Variants in TLK1 observed in about 807,000 individuals in gnomAD.
TLK1 encodes the protein tousled like kinase 1, also known as serine/threonine-protein kinase tousled-like 1.
TLK1 carries 24 observed loss-of-function variants against 105.3 expected under a neutral mutation model. The observed-to-expected ratio is 0.23, with a 90% confidence interval of 0.17 to 0.32. The LOEUF is 0.32. TLK1 is among the 10% of genes least tolerant of loss of function. TLK1 has a pLI of 1.00. For missense variants in TLK1, 558 were observed against 910.5 expected (o/e 0.61, Z 4.98); for synonymous variants, 321 against 310.4 (o/e 1.03, Z -0.36).
At chr2:171,156,732 T>A (rs1263804594) in intron 1 of TLK1, among the ~76,000 whole-genome samples, 1 of 152,256 alleles carries the variant, frequency 6.6e-6, no homozygotes, top group South Asian at 2.1e-4. Flanking sequence ...GTTTTTAACA[T>A]CTCATTACTA....
At chr2:171,205,817 T>A (rs1290004360) in intron 1 of TLK1, among the ~76,000 whole-genome samples, 2 of 152,228 alleles carry the variant, frequency 1.3e-5, no homozygotes, top group African/African-American at 2.4e-5. Context: ...ATTTGAAATG[T>A]CTAAAAATAA....
intron 20 of TLK1, among the ~76,000 whole-genome samples, chr2:170,995,993 C>T (rs1180011741): frequency 1.3e-5 from 2 of 151,720 alleles, no homozygotes; most frequent in African/African-American, 2.4e-5. Flanking sequence ...TGAGCCACCG[C>T]GCATGGCCTA....
At chr2:171,037,023 ACAGAG>A (rs1368114377) in intron 11 of TLK1, among the ~76,000 whole-genome samples, 6 of 152,212 alleles carry the variant, frequency 3.9e-5, no homozygotes, top group South Asian at 4.1e-4. Flanking sequence ...CTATGAATAC[ACAGAG>A]CAAAGAAAAA....
At chr2:171,018,926 G>A (rs997641667) in intron 12 of TLK1, among the ~76,000 whole-genome samples, 26 of 152,088 alleles carry the variant, frequency 1.7e-4, no homozygotes, top group Non-Finnish European at 2.4e-4. Flanking sequence ...AAAAGGACAT[G>A]GCTCTTTTCT....
intron 10 of TLK1, among the ~76,000 whole-genome samples, chr2:171,049,310 TAG>T (rs1687118418): frequency 6.6e-6 from 1 of 152,032 alleles, no homozygotes; most frequent in Admixed American, 6.5e-5. Context: ...AAATAATAAA[TAG>T]AGTTTACCTC....
intron 12 of TLK1, among the ~76,000 whole-genome samples, chr2:171,027,040 TA>T (rs997788224): frequency 6.6e-6 from 1 of 152,168 alleles, no homozygotes; most frequent in Admixed American, 6.5e-5. Flanking sequence ...TATAGCATAT[TA>T]AAGGATACTA....
At chr2:171,054,096 A>C in intron 7 of TLK1, 1 of 325,324 alleles carries the variant, frequency 3.1e-6, no homozygotes, top group Non-Finnish European at 5.6e-6. Flanking sequence ...TTATAATTCA[A>C]TATATCCGCT....
In TLK1 at chr2:170,993,123, A is replaced by T. The variant is rs1683856277; in HGVS notation, c.*657T>A. On this transcript the variant is annotated 3_prime_UTR_variant, in exon 21 of 21. Transcript: ENST00000431350. ...AAGGTGTAAAGTATTTAGAAATAAT[A>T]GCTCTCCCTTTAATATAACCAGTGA... 2 of 152,666 alleles carry T rather than the reference A, an allele frequency of 1.3e-5. No individual in the cohort carries two copies. Among genetic ancestry groups the T allele is most frequent in the African/African-American group, 4.8e-5 (2 of 41,456 alleles). The allele number at this position is 152,666 out of a possible 1,614,324, so 9.5% of individuals were successfully genotyped here.
chr2:171,082,751 T>C (rs769773471), intron 3 of TLK1, 30 bp downstream of exon 3: 8 of 1,494,666 alleles, frequency 5.4e-6, no homozygotes, highest in African/African-American at 2.8e-5. Context: ...TTTACTTTAA[T>C]AGCACCATAT....
chr2:171,192,822 A>G (rs1001275244), intron 1 of TLK1, among the ~76,000 whole-genome samples: 2 of 152,234 alleles, frequency 1.3e-5, no homozygotes, highest in Non-Finnish European at 2.9e-5. Flanking sequence ...TCAAATTCCA[A>G]CATCTTGATG....
chr2:171,049,675 A>T, intron 10 of TLK1, 139 bp downstream of exon 10: 2 of 1,000,912 alleles, frequency 2.0e-6, no homozygotes, highest in Non-Finnish European at 2.9e-6. Flanking sequence ...TCTTGGTTTC[A>T]TATCCCTTTC....
At position 170,992,538 on chromosome 2, in the gene TLK1, A is replaced by G. The variant is rs1369152020; in HGVS notation, c.*1242T>C. The G allele has an allele frequency of 6.6e-6, 1 of 152,606 alleles. No homozygotes were observed. The highest frequency in any genetic ancestry group is 6.6e-5 in the Admixed American group (1 of 15,266). The allele number at this position is 152,606 out of a possible 1,614,324, so 9.5% of individuals were successfully genotyped here. On this transcript the variant is annotated 3_prime_UTR_variant, in exon 21 of 21. Coordinates refer to ENST00000431350, the MANE Select transcript of TLK1 (RefSeq NM_012290.5). ...TTATGGGACCATCTTGCTGATAAGA[A>G]CTTTCTAGAAATGTAGAATAACCAT...
At chr2:171,066,995 C>T (rs1380977309) in intron 3 of TLK1, 1 of 1,513,282 alleles carries the variant, frequency 6.6e-7, no homozygotes, top group South Asian at 1.3e-5. Context: ...GAGCTGTGGT[C>T]TCACAACTTT....
intron 12 of TLK1, among the ~76,000 whole-genome samples, chr2:171,015,157 T>C (rs1296110594): frequency 1.3e-5 from 2 of 152,080 alleles, no homozygotes; most frequent in Non-Finnish European, 2.9e-5. Context: ...ATCCTCCACA[T>C]GAAAATCTAT....
intron 1 of TLK1, among the ~76,000 whole-genome samples, chr2:171,149,717 G>A (rs1415072754): frequency 6.6e-6 from 1 of 152,138 alleles, no homozygotes; most frequent in African/African-American, 2.4e-5. Context: ...ACCAGCCTGG[G>A]CAACATAGGG....
chr2:171,058,180 G>C lies in TLK1; in HGVS notation c.424C>G (p.Arg142Gly). 6.2e-7 allele frequency: 1 copy of C among 1,613,388 alleles called. No homozygotes were observed. Residue 142 changes from arginine (R) to glycine (G), a missense_variant, in exon 5 of 21, where the codon CGT becomes GGT. Coordinates refer to ENST00000431350, the MANE Select transcript of TLK1 (RefSeq NM_012290.5). Reference protein sequence around the residue: ...ESSQGKSIGGRGHKISDYFEY... With the variant: ...ESSQGKSIGGGGHKISDYFEY... ...AAATAGTCGCTAATTTTGTGGCCAC[G>C]TCCCCCAATACTTTTTCCTAAAATA...
intron 18 of TLK1, among the ~76,000 whole-genome samples, chr2:171,000,376 CAAAAAAAAAAA>C (rs34800888): frequency 1.5e-4 from 12 of 78,350 alleles, no homozygotes; most frequent in African/African-American, 5.4e-4. Context: ...GAAACTCTGT[CAAAAAAAAAAA>C]AAAAAAAAAA....
At chr2:171,162,211 G>GATT (rs1056842376), upstream of TLK1, among the ~76,000 whole-genome samples, 1 of 152,168 alleles carries the variant, frequency 6.6e-6, no homozygotes, top group Non-Finnish European at 1.5e-5. Context: ...CTTTATTGAG[G>GATT]TATAATTGAC....
chr2:171,176,626 T>C (rs1692832638), intron 1 of TLK1, among the ~76,000 whole-genome samples: 1 of 152,178 alleles, frequency 6.6e-6, no homozygotes, highest in African/African-American at 2.4e-5. Context: ...CATTGCTCCT[T>C]TTCTTCATGG....
Sources: allele counts gnomAD v4.1 joint callset (sites outside exome capture counted in the v4.1 genomes callset), GRCh38; gene constraint gnomAD v4.1.1; transcripts MANE v1.5; gene names NCBI Gene and HGNC (gene_info 2026-07-23, HGNC 2026-07-21).